The following COL11A1 variants were observed in gnomAD, a reference collection of about 807,000 sequenced individuals.
COL11A1 encodes collagen alpha-1(XI) chain.
A neutral mutation model predicts 265.2 loss-of-function variants in COL11A1; 74 were observed. The ratio of observed to expected loss-of-function variants is 0.28; its 90% CI spans 0.23 to 0.34. The LOEUF is 0.34. Among genes scored for constraint, COL11A1 ranks in the 10% least tolerant of loss-of-function variants. COL11A1 has a pLI of 1.00. For missense variants in COL11A1, 2,165 were observed against 2,263.6 expected, an observed-to-expected ratio of 0.96 and a Z score of 0.88; for synonymous variants, 816 against 727.6, an observed-to-expected ratio of 1.12 and a Z score of -1.96.
chr1:102,997,618 T>C (rs1422120159), intron 25 of COL11A1, among the ~76,000 whole-genome samples: 2 of 151,920 alleles, frequency 1.3e-5, no homozygotes, highest in South Asian at 4.1e-4. Context: ...TGTATAGCCA[T>C]ATCACAATTA....
chr1:103,052,194 G>GT (rs1157509556), intron 4 of COL11A1, among the ~76,000 whole-genome samples: 11 of 151,746 alleles, frequency 7.2e-5, no homozygotes, highest in African/African-American at 2.4e-4. Context: ...AACAATTCAT[G>GT]TTTTCTTTTT....
intron 41 of COL11A1, 146 bp downstream of exon 41, chr1:102,961,720 T>A: frequency 1.4e-6 from 1 of 712,840 alleles, no homozygotes. Flanking sequence ...GTGCATGCAA[T>A]TAGTGGGAAC....
Position 103,014,567 on chromosome 1 carries a change from C to G in COL11A1, c.1516G>C (p.Gly506Arg). 1 of 1,613,652 alleles carries G rather than the reference C, an allele frequency of 6.2e-7. No individual in the cohort carries two copies. Among genetic ancestry groups the G allele is most frequent in the Non-Finnish European group, 8.5e-7 (1 of 1,179,728 alleles). Residue 506 changes from glycine to arginine, a missense_variant, in exon 13 of 67, where the codon GGA (glycine) becomes CGA (arginine). Transcript: ENST00000370096. ...GCTTCCTGAGCAGAGATGGTTGGTC[C>G]TTTGGAACCATCACCACCATAACGG... Reference protein sequence around the residue: ...PFRYGGDGSKGPTISAQEAQA... With the variant: ...PFRYGGDGSKRPTISAQEAQA...
At chr1:103,051,041 G>A (rs150255638) in intron 4 of COL11A1, among the ~76,000 whole-genome samples, 5,931 of 152,218 alleles carry the variant, frequency 0.039, 129 homozygotes, top group Middle Eastern at 0.1. Context: ...TAGGCTACTC[G>A]GGGGTCAGGG....
chr1:102,923,463 A>AT (rs1299882616), intron 46 of COL11A1, 74 bp from the exon 47 acceptor site: 8 of 1,173,184 alleles, frequency 6.8e-6, no homozygotes, highest in Middle Eastern at 4.4e-4. Context: ...AATTTCTAAG[A>AT]TAAAATCAAG....
chr1:102,879,965 A>G, intron 65 of COL11A1, 49 bp from the exon 66 acceptor site: 1 of 1,242,936 alleles, frequency 8.0e-7, no homozygotes, highest in Non-Finnish European at 1.2e-6. Context: ...TTCCTCTTTT[A>G]TGCTACAAAG....
In COL11A1 at chr1:103,074,646, G is replaced by T. The variant is rs1671831904; in HGVS notation, c.623C>A (p.Thr208Lys). 1 of 1,613,024 alleles carries T rather than the reference G, an allele frequency of 6.2e-7. No individual in the cohort carries two copies. The highest frequency in any genetic ancestry group is 1.1e-5 in the South Asian group (1 of 91,076). Reference protein sequence around the residue: ...VDTNGITVFGTRILDEEVFEG... With the variant: ...VDTNGITVFGKRILDEEVFEG... The stretch of plus-strand genomic sequence containing the variant: ...AAAAACTTCTTCATCCAAAATCCTT[G>T]TTCCAAAAACCGTGATTCCATTGGT... Residue 208 changes from threonine to lysine, a missense_variant, in exon 4 of 67, where the codon ACA becomes AAA. Physicochemically the swap from Thr to Lys is moderately conservative, Grantham distance 78. Transcript: ENST00000370096.
intron 4 of COL11A1, among the ~76,000 whole-genome samples, chr1:103,056,802 T>A (rs996724589): frequency 6.6e-6 from 1 of 152,014 alleles, no homozygotes; most frequent in Admixed American, 6.5e-5. Context: ...AAGTTATGTT[T>A]ACACTATTCT....
chr1:102,896,475 T>C (rs970306041), intron 57 of COL11A1, among the ~76,000 whole-genome samples: 1 of 152,204 alleles, frequency 6.6e-6, no homozygotes, highest in Non-Finnish European at 1.5e-5. Context: ...AGCATTTTCA[T>C]TGAGATTACA....
At chr1:103,006,013 T>A (rs1399102005) in intron 17 of COL11A1, 55 bp downstream of exon 17, 2 of 1,611,504 alleles carry the variant, frequency 1.2e-6, no homozygotes, top group Non-Finnish European at 1.7e-6. Flanking sequence ...AAATATAAAA[T>A]TTTCCAGAGT....
At chr1:102,947,596 T>C (rs977319941) in intron 41 of COL11A1, among the ~76,000 whole-genome samples, 8 of 152,088 alleles carry the variant, frequency 5.3e-5, no homozygotes, top group African/African-American at 1.9e-4. Context: ...TTGAATCTGA[T>C]TAGGTTTTTT....
Position 102,886,999 on chromosome 1 carries a change from T to G in COL11A1, c.4666A>C (p.Arg1556=). The change falls in exon 63 of 67, where the codon AGA becomes CGA. Residue 1556 remains arginine (R), a synonymous_variant. Transcript: ENST00000370096. The part of the protein sequence containing the change: ...LPILSSKKTR[R]HTEGMQADAD... Reference sequence around the variant, plus strand: ...TCTGCTTGCATGCCTTCAGTATGTCTTCTCGTTTTTTTGGAGGACAAGATT... The same window carrying G: ...TCTGCTTGCATGCCTTCAGTATGTCGTCTCGTTTTTTTGGAGGACAAGATT... 6.2e-7 allele frequency: 1 copy of G among 1,613,960 alleles called. No individual in the cohort carries two copies. The highest frequency in any genetic ancestry group is 1.1e-5 in the South Asian group (1 of 91,082).
intron 4 of COL11A1, among the ~76,000 whole-genome samples, chr1:103,063,072 C>T (rs962610724): frequency 6.6e-6 from 1 of 151,928 alleles, no homozygotes; most frequent in African/African-American, 2.4e-5. Flanking sequence ...TATCGAACAA[C>T]TTTAAAAATA....
chr1:103,089,879 A>C (rs898793325), intron 1 of COL11A1, among the ~76,000 whole-genome samples: 1 of 152,218 alleles, frequency 6.6e-6, no homozygotes, highest in African/African-American at 2.4e-5. Flanking sequence ...TAATCTCAGC[A>C]CTTTGGGAGG....
chr1:103,001,440 T>TCGCCGTATCA, intron 24 of COL11A1: 2 of 407,444 alleles, frequency 4.9e-6, no homozygotes, highest in Admixed American at 4.1e-5. Flanking sequence ...AAGACATGTG[T>TCGCCGTATCA]TTAATTATAG....
intron 41 of COL11A1, among the ~76,000 whole-genome samples, chr1:102,955,801 A>T (rs1016561092): frequency 2.0e-5 from 3 of 152,162 alleles, no homozygotes; most frequent in African/African-American, 7.2e-5. Flanking sequence ...GTTTATATTC[A>T]TCATGCAGAA....
intron 24 of COL11A1, 200 bp downstream of exon 24, chr1:103,001,725 T>G (rs940328173): frequency 6.3e-5 from 38 of 607,442 alleles, no homozygotes; most frequent in Non-Finnish European, 1.1e-4. Context: ...AAATGGTAAC[T>G]GAAGTTTTAT....
chr1:103,063,217 C>T (rs530348982), intron 4 of COL11A1, among the ~76,000 whole-genome samples: 6 of 151,960 alleles, frequency 3.9e-5, no homozygotes, highest in African/African-American at 1.4e-4. Flanking sequence ...CAAACATATT[C>T]CAAATTCATA....
chr1:102,953,076 A>G (rs111420962), intron 41 of COL11A1, among the ~76,000 whole-genome samples: 3,559 of 152,270 alleles, frequency 0.023, 55 homozygotes, highest in Middle Eastern at 0.082. Context: ...TTTTGTTTGC[A>G]TAAAGAGTAG....
Sources: allele counts gnomAD v4.1 joint callset (sites outside exome capture counted in the v4.1 genomes callset), GRCh38; gene constraint gnomAD v4.1.1; transcripts MANE v1.5; gene names NCBI Gene and HGNC (gene_info 2026-07-23, HGNC 2026-07-21).